FGF13: variants seen among roughly 807,000 people sequenced by gnomAD.
FGF13 encodes fibroblast growth factor homologous factor 2.
In FGF13, 2 loss-of-function variants were observed where a neutral mutation model predicts 19.5. That is an observed-to-expected ratio of 0.10 (90% CI 0.04 to 0.32). The LOEUF is 0.32. FGF13 is among the 10% of genes least tolerant of loss of function. FGF13 has a pLI of 1.00. For synonymous variants in FGF13, 72 were observed against 76.9 expected (o/e 0.94, Z 0.33); for missense variants, 113 against 192.7 (o/e 0.59, Z 2.45).
chrX:139,056,373 C>A (rs1177478080), intron 1 of FGF13, among the ~76,000 whole-genome samples: 1 of 112,035 alleles, frequency 8.9e-6, no homozygotes, highest in Non-Finnish European at 1.9e-5. Flanking sequence ...CATCTGAGGA[C>A]CAAGGATAGC....
chrX:138,681,675 C>T (rs1436796419), intron 3 of FGF13, among the ~76,000 whole-genome samples: 1 of 111,957 alleles, frequency 8.9e-6, no homozygotes, highest in Non-Finnish European at 1.9e-5. Context: ...GTAACCATTT[C>T]TAGTTTTTGA....
At chrX:138,711,819 A>AC (rs1199709677), upstream of FGF13, among the ~76,000 whole-genome samples, 18 of 13,634 alleles carry the variant, frequency 1.3e-3, no homozygotes, top group Non-Finnish European at 2.2e-3. Flanking sequence ...CCCCACCCCC[A>AC]CCCCCCCAAG....
intron 1 of FGF13, among the ~76,000 whole-genome samples, chrX:139,038,088 C>T (rs2092256501): frequency 9.0e-6 from 1 of 110,976 alleles, no homozygotes; most frequent in Non-Finnish European, 1.9e-5. Flanking sequence ...TCCCTTGGTT[C>T]TGGACTACAG....
rs1485345282 is a variant in FGF13 at position 138,830,682 on chromosome X, GGTGT to G, written c.217+26826_217+26829del. Among the ~76,000 whole-genome samples, 8 of 52,059 alleles carry G rather than the reference GGTGT, an allele frequency of 1.5e-4. No individual in the cohort carries two copies. The South Asian group carries it at 6.8e-3, about 44-fold the overall frequency. 45.2% of individuals were successfully genotyped at this position (52,059 alleles called of 115,157 possible). On this transcript the variant is annotated intron_variant, in intron 3 of 6. Coordinates refer to the FGF13 transcript ENST00000436198. ...CCTGGCCATGTAAAGAGTGAAAAGG[GGTGT>G]TTGTGTGTGTGTGTGTGTGTGTGTG... is the stretch of plus-strand genomic sequence containing the variant.
At chrX:138,781,631 T>TCTGAATAGA (rs1556148940) in intron 3 of FGF13, among the ~76,000 whole-genome samples, 1 of 109,113 alleles carries the variant, frequency 9.2e-6, no homozygotes, top group Admixed American at 9.7e-5. Context: ...AAGTTGAATC[T>TCTGAATAGA]CCAATAACAG....
chrX:139,069,773 G>C (rs1408344758), intron 1 of FGF13, among the ~76,000 whole-genome samples: 1 of 111,605 alleles, frequency 9.0e-6, no homozygotes, highest in Non-Finnish European at 1.9e-5. Flanking sequence ...GTACTGGCAC[G>C]AAAACAGAAA....
intron 1 of FGF13, among the ~76,000 whole-genome samples, chrX:139,180,848 G>A (rs775722256): frequency 8.9e-6 from 1 of 111,933 alleles, no homozygotes; most frequent in East Asian, 2.8e-4. Flanking sequence ...CCCTACATCT[G>A]TGTTGCTCTC....
intron 3 of FGF13, among the ~76,000 whole-genome samples, chrX:138,676,914 T>C (rs190803425): frequency 1.1e-4 from 12 of 112,436 alleles, no homozygotes; most frequent in African/African-American, 2.9e-4. Flanking sequence ...ATCTGAATTA[T>C]AGAGTACATC....
intron 1 of FGF13, among the ~76,000 whole-genome samples, chrX:138,984,536 G>C (rs1256209769): frequency 0.044 from 1,171 of 26,653 alleles, 209 homozygotes; most frequent in South Asian, 0.084. Context: ...AGAAGAAGAA[G>C]AAGAAGAAGA....
At chrX:138,899,485 A>G (rs1360265554) in intron 1 of FGF13, among the ~76,000 whole-genome samples, 1 of 111,005 alleles carries the variant, frequency 9.0e-6, no homozygotes, top group African/African-American at 3.3e-5. Context: ...ATATCGGCAC[A>G]ATTCTCTCCA....
intron 1 of FGF13, among the ~76,000 whole-genome samples, chrX:139,069,986 T>C (rs1397058046): frequency 1.2e-4 from 14 of 112,157 alleles, no homozygotes; most frequent in African/African-American, 4.2e-4. Flanking sequence ...TAACTCAAAA[T>C]GGATTAAAGA....
chrX:139,051,643 C>T (rs1351013927), intron 1 of FGF13, among the ~76,000 whole-genome samples: 1 of 112,555 alleles, frequency 8.9e-6, no homozygotes, highest in African/African-American at 3.2e-5. Context: ...ATTAAAGTGA[C>T]TTGCTCAGGT....
chrX:138,854,581 TA>T (rs2091245689), downstream of FGF13, among the ~76,000 whole-genome samples: 1 of 111,959 alleles, frequency 8.9e-6, no homozygotes, highest in African/African-American at 3.2e-5. Flanking sequence ...CTATACTAAT[TA>T]AAAAAGAGTT....
At chrX:139,059,602 G>A (rs936379856) in intron 1 of FGF13, among the ~76,000 whole-genome samples, 1 of 111,549 alleles carries the variant, frequency 9.0e-6, no homozygotes, top group Non-Finnish European at 1.9e-5. Context: ...AAAGCCCTGA[G>A]AGACCCTCTA....
chrX:138,657,903 G>A (rs1393522729), intron 3 of FGF13, among the ~76,000 whole-genome samples: 1 of 112,322 alleles, frequency 8.9e-6, no homozygotes, highest in Admixed American at 9.4e-5. Context: ...GCATAGGACA[G>A]CAGAGAATTC....
intron 1 of FGF13, among the ~76,000 whole-genome samples, chrX:138,906,140 G>A (rs1372335933): frequency 9.0e-6 from 1 of 111,675 alleles, no homozygotes; most frequent in Admixed American, 9.5e-5. Flanking sequence ...TCCCCAGGCT[G>A]ATGATCAAAC....
At chrX:138,879,664 C>A (rs1328901436) in intron 1 of FGF13, among the ~76,000 whole-genome samples, 1 of 110,608 alleles carries the variant, frequency 9.0e-6, no homozygotes, top group African/African-American at 3.3e-5. Flanking sequence ...CCCTAGCCCC[C>A]CACCCCCTGA....
At chrX:139,051,151 C>G (rs185497316) in intron 1 of FGF13, among the ~76,000 whole-genome samples, 1 of 112,129 alleles carries the variant, frequency 8.9e-6, no homozygotes, top group Admixed American at 9.4e-5. Context: ...GATTCAGAAG[C>G]TCTTTTAAAT....
intron 1 of FGF13, among the ~76,000 whole-genome samples, chrX:139,033,186 T>G (rs2092236886): frequency 9.0e-6 from 1 of 111,121 alleles, no homozygotes; most frequent in South Asian, 3.8e-4. Context: ...TTCTGGCAAC[T>G]ATTGCTTTAA....
Sources: gnomAD v4.1 joint callset for allele counts (sites outside exome capture counted in the v4.1 genomes callset) on GRCh38, gnomAD v4.1.1 for gene constraint, MANE v1.5 for transcripts, NCBI Gene and HGNC (gene_info 2026-07-23, HGNC 2026-07-21) for gene names.